BMPR1B: variants seen among roughly 807,000 people sequenced by gnomAD.
The protein encoded by BMPR1B is bone morphogenetic protein receptor type 1B.
A neutral mutation model predicts 59.1 loss-of-function variants in BMPR1B; 12 were observed. The ratio of observed to expected loss-of-function variants is 0.20; its 90% CI spans 0.13 to 0.33. The LOEUF is 0.33. Ranked by LOEUF, BMPR1B falls within the 10% of genes least tolerant of loss-of-function variation. The pLI is 1.00. For missense variants in BMPR1B, 550 were observed against 610.9 expected, an observed-to-expected ratio of 0.90 and a Z score of 1.05; for synonymous variants, 237 against 207.3, an observed-to-expected ratio of 1.14 and a Z score of -1.23.
intron 3 of BMPR1B, among the ~76,000 whole-genome samples, chr4:95,012,360 G>A (rs1324395202): frequency 1.3e-5 from 2 of 152,172 alleles, no homozygotes; most frequent in Non-Finnish European, 2.9e-5. Flanking sequence ...TTTCTGTCTA[G>A]ATGTACACAC....
At chr4:94,792,600 G>C (rs1167070174) in intron 1 of BMPR1B, among the ~76,000 whole-genome samples, 9 of 152,116 alleles carry the variant, frequency 5.9e-5, no homozygotes, top group African/African-American at 1.9e-4. Flanking sequence ...AGACTACTTT[G>C]AGTAAAATAT....
chr4:95,044,665 A>G (rs1725908557), intron 3 of BMPR1B, among the ~76,000 whole-genome samples: 1 of 152,126 alleles, frequency 6.6e-6, no homozygotes, highest in Non-Finnish European at 1.5e-5. Context: ...CGTTCAAGGG[A>G]GAAAGGGATT....
chr4:95,087,989 T>G (rs368164241), intron 3 of BMPR1B, among the ~76,000 whole-genome samples: 6 of 152,180 alleles, frequency 3.9e-5, no homozygotes, highest in Admixed American at 3.3e-4. Context: ...GCCGATCTTA[T>G]GAAATTTGAA....
At chr4:94,901,764 C>T (rs1247838519) in intron 2 of BMPR1B, among the ~76,000 whole-genome samples, 1 of 151,934 alleles carries the variant, frequency 6.6e-6, no homozygotes, top group African/African-American at 2.4e-5. Flanking sequence ...AGCAATTCGA[C>T]AGTTCCCTGT....
At chr4:94,836,617 C>T (rs1411604751) in intron 1 of BMPR1B, among the ~76,000 whole-genome samples, 2 of 144,804 alleles carry the variant, frequency 1.4e-5, no homozygotes, top group African/African-American at 5.1e-5. Flanking sequence ...TTGTTTTTTT[C>T]TTGTAAATTT....
intron 1 of BMPR1B, among the ~76,000 whole-genome samples, chr4:94,835,947 C>T (rs1158022502): frequency 3.6e-5 from 5 of 139,126 alleles, no homozygotes; most frequent in African/African-American, 1.3e-4. Context: ...GTGTGATGTT[C>T]CCCTTCCTGT....
chr4:94,962,918 A>G (rs562722934), intron 2 of BMPR1B, among the ~76,000 whole-genome samples: 30 of 152,268 alleles, frequency 2.0e-4, no homozygotes, highest in African/African-American at 7.2e-4. Context: ...TAATGGCTGT[A>G]CTAATTCACA....
intron 1 of BMPR1B, among the ~76,000 whole-genome samples, chr4:94,860,323 C>A (rs2865410): frequency 0.64 from 96,770 of 151,920 alleles, 32,298 homozygotes; most frequent in African/African-American, 0.84. Context: ...AGAGATCCAG[C>A]AACATCAGTA....
At chr4:95,036,672 G>A (rs62316245) in intron 3 of BMPR1B, among the ~76,000 whole-genome samples, 17 of 149,568 alleles carry the variant, frequency 1.1e-4, no homozygotes, top group Admixed American at 6.7e-4. Context: ...AATAAACATG[G>A]GCGTGCAGAT....
chr4:94,768,391 C>T (rs1247726996), intron 1 of BMPR1B, among the ~76,000 whole-genome samples: 1 of 152,058 alleles, frequency 6.6e-6, no homozygotes, highest in Non-Finnish European at 1.5e-5. Flanking sequence ...AAAACCTCTG[C>T]TTTATTTACC....
chr4:95,103,546 G>A, intron 3 of BMPR1B: 6 of 937,302 alleles, frequency 6.4e-6, no homozygotes, highest in Non-Finnish European at 7.6e-6. Context: ...CCTCTTCTGT[G>A]TAACATAAAC....
At chr4:94,820,892 A>G (rs1255263949) in intron 1 of BMPR1B, among the ~76,000 whole-genome samples, 2 of 152,226 alleles carry the variant, frequency 1.3e-5, no homozygotes, top group African/African-American at 2.4e-5. Flanking sequence ...TTTCAGAAAT[A>G]TGGTATTCAT....
chr4:94,854,184 T>C (rs1481802808), intron 1 of BMPR1B, among the ~76,000 whole-genome samples: 1 of 140,698 alleles, frequency 7.1e-6, no homozygotes, highest in Non-Finnish European at 1.5e-5. Flanking sequence ...TTTCGTATCC[T>C]GAAATGATAA....
intron 2 of BMPR1B, among the ~76,000 whole-genome samples, chr4:94,941,287 T>C (rs1263127751): frequency 4.6e-5 from 4 of 86,194 alleles, no homozygotes; most frequent in African/African-American, 7.7e-5. Context: ...AAAAAATTAG[T>C]GGGGCATGGT....
chr4:95,093,252 T>C (rs933572035), intron 3 of BMPR1B, among the ~76,000 whole-genome samples: 3 of 152,080 alleles, frequency 2.0e-5, no homozygotes, highest in African/African-American at 7.2e-5. Context: ...AGTTGTGTTT[T>C]AGAGATTTTT....
At chr4:94,837,107 CATTGATCTAT>C (rs1414298624) in intron 1 of BMPR1B, among the ~76,000 whole-genome samples, 2 of 144,804 alleles carry the variant, frequency 1.4e-5, no homozygotes. Flanking sequence ...TGTTCTGTTC[CATTGATCTAT>C]ATCTCTGTTT....
intron 1 of BMPR1B, 123 bp from the exon 2 acceptor site, chr4:94,875,708 A>G (rs1051447575): frequency 2.0e-5 from 3 of 152,592 alleles, no homozygotes; most frequent in African/African-American, 7.2e-5. Flanking sequence ...GAAGAACTGT[A>G]CTTCCCCTCC....
intron 1 of BMPR1B, among the ~76,000 whole-genome samples, chr4:94,802,626 ATAGAAT>A (rs552049643): frequency 1.3e-3 from 199 of 152,226 alleles, no homozygotes; most frequent in Non-Finnish European, 2.0e-3. Context: ...GGAAGTTTTG[ATAGAAT>A]TAGAGGAAAA....
At chr4:94,815,642 T>G (rs1333831863) in intron 1 of BMPR1B, among the ~76,000 whole-genome samples, 1 of 152,218 alleles carries the variant, frequency 6.6e-6, no homozygotes, top group Admixed American at 6.5e-5. Flanking sequence ...TGGATTCAGA[T>G]TCCAGAATCA....
Sources: allele counts gnomAD v4.1 joint callset (sites outside exome capture counted in the v4.1 genomes callset), GRCh38; gene constraint gnomAD v4.1.1; transcripts MANE v1.5; gene names NCBI Gene and HGNC (gene_info 2026-07-23, HGNC 2026-07-21).